FSIP1: variants seen among roughly 807,000 people sequenced by gnomAD.
The protein encoded by FSIP1 is fibrous sheath interacting protein 1.
A neutral mutation model predicts 60.9 loss-of-function variants in FSIP1; 65 were observed. The ratio of observed to expected loss-of-function variants is 1.07; its 90% CI spans 0.87 to 1.31. The LOEUF is 1.31. Ranked by LOEUF, FSIP1 falls within the 40% of genes most tolerant of loss-of-function variation. The pLI is 0.00. For synonymous variants in FSIP1, 209 were observed against 221.2 expected, an observed-to-expected ratio of 0.94 and a Z score of 0.49; for missense variants, 675 against 665.5, an observed-to-expected ratio of 1.01 and a Z score of -0.16.
chr15:39,763,289 T>C (rs1198356661), intron 5 of FSIP1, among the ~76,000 whole-genome samples: 5 of 152,194 alleles, frequency 3.3e-5, no homozygotes, highest in Non-Finnish European at 5.9e-5. Context: ...CACCATCATA[T>C]AAATGGGTTA....
chr15:39,781,526 C>A (rs1388663322), intron 1 of FSIP1, among the ~76,000 whole-genome samples: 1 of 152,114 alleles, frequency 6.6e-6, no homozygotes, highest in Non-Finnish European at 1.5e-5. Context: ...AATATTTATA[C>A]CAGCTTCATC....
chr15:39,684,863 T>C (rs922255704), intron 10 of FSIP1, among the ~76,000 whole-genome samples: 4 of 152,302 alleles, frequency 2.6e-5, no homozygotes, highest in Admixed American at 2.6e-4. Context: ...AAGTTATTAG[T>C]ATCCCCTCTC....
intron 1 of FSIP1, among the ~76,000 whole-genome samples, chr15:39,778,285 C>A (rs1322106975): frequency 1.3e-5 from 2 of 152,274 alleles, no homozygotes; most frequent in African/African-American, 2.4e-5. Context: ...TGGAAGCATG[C>A]GCAGAACCGC....
chr15:39,625,020 G>C (rs929164390), intron 10 of FSIP1, among the ~76,000 whole-genome samples: 1 of 152,210 alleles, frequency 6.6e-6, no homozygotes, highest in African/African-American at 2.4e-5. Flanking sequence ...GGTCATGAAC[G>C]TTGTGGTGGT....
intron 10 of FSIP1, among the ~76,000 whole-genome samples, chr15:39,644,039 A>G (rs1471234590): frequency 6.6e-6 from 1 of 152,264 alleles, no homozygotes; most frequent in African/African-American, 2.4e-5. Flanking sequence ...CCTTGGTGAC[A>G]GTAATTTTCC....
intron 5 of FSIP1, among the ~76,000 whole-genome samples, chr15:39,760,391 C>T (rs1264955958): frequency 6.6e-6 from 1 of 152,072 alleles, no homozygotes; most frequent in Non-Finnish European, 1.5e-5. Context: ...AGTAATTTTA[C>T]AGTGCAGAAA....
At chr15:39,621,751 C>T (rs541755335) in intron 10 of FSIP1, among the ~76,000 whole-genome samples, 5 of 152,200 alleles carry the variant, frequency 3.3e-5, no homozygotes, top group African/African-American at 9.6e-5. Context: ...TATAAAATAA[C>T]TAAAAATTCT....
intron 10 of FSIP1, among the ~76,000 whole-genome samples, chr15:39,631,849 A>T (rs1891903241): frequency 6.6e-6 from 1 of 152,250 alleles, no homozygotes; most frequent in Non-Finnish European, 1.5e-5. Flanking sequence ...TTTACAGGGA[A>T]AGCTCTCCTT....
At chr15:39,631,970 C>G (rs1284428797) in intron 10 of FSIP1, among the ~76,000 whole-genome samples, 1 of 152,118 alleles carries the variant, frequency 6.6e-6, no homozygotes, top group African/African-American at 2.4e-5. Flanking sequence ...CTTTGATTTC[C>G]AATGAGCTAG....
chr15:39,680,216 C>T (rs919061730), intron 10 of FSIP1, among the ~76,000 whole-genome samples: 1 of 152,064 alleles, frequency 6.6e-6, no homozygotes, highest in Non-Finnish European at 1.5e-5. Flanking sequence ...ATCACTATCT[C>T]AAAAACCAAC....
At chr15:39,604,444 T>G (rs1363442737) in intron 11 of FSIP1, among the ~76,000 whole-genome samples, 1 of 152,262 alleles carries the variant, frequency 6.6e-6, no homozygotes, top group African/African-American at 2.4e-5. Flanking sequence ...CATTTTATAC[T>G]GCTAAAATGA....
chr15:39,659,627 TAAA>T (rs10648104), intron 10 of FSIP1, among the ~76,000 whole-genome samples: 2 of 138,006 alleles, frequency 1.4e-5, no homozygotes, highest in East Asian at 2.1e-4. Flanking sequence ...GCTGTTATTT[TAAA>T]AAAAAAAAAA....
At chr15:39,624,419 G>C (rs975586234) in intron 10 of FSIP1, among the ~76,000 whole-genome samples, 1 of 152,128 alleles carries the variant, frequency 6.6e-6, no homozygotes, top group African/African-American at 2.4e-5. Context: ...ACCTACCTGT[G>C]CATAGAAAAA....
chr15:39,623,089 C>T (rs1369196720), intron 10 of FSIP1, among the ~76,000 whole-genome samples: 2 of 151,122 alleles, frequency 1.3e-5, no homozygotes, highest in African/African-American at 4.9e-5. Context: ...CAGATAAATG[C>T]CAGTTTGATG....
chr15:39,626,788 T>A (rs962547744), intron 10 of FSIP1, among the ~76,000 whole-genome samples: 44 of 142,548 alleles, frequency 3.1e-4, no homozygotes, highest in African/African-American at 1.1e-3. Context: ...CTTTTCTTTA[T>A]AAATTACGTA....
chr15:39,767,808 A>G (rs1473167629), intron 3 of FSIP1, among the ~76,000 whole-genome samples: 1 of 152,122 alleles, frequency 6.6e-6, no homozygotes, highest in Non-Finnish European at 1.5e-5. Flanking sequence ...TCCCCGTTCC[A>G]GCTCCCCATC....
chr15:39,743,675 T>C (rs1022253353), intron 5 of FSIP1, among the ~76,000 whole-genome samples: 12 of 152,090 alleles, frequency 7.9e-5, no homozygotes, highest in Admixed American at 2.0e-4. Context: ...AAAGGAAAAA[T>C]AGTAACTTTA....
At chr15:39,714,127 T>C (rs1457138073) in intron 9 of FSIP1, among the ~76,000 whole-genome samples, 1 of 152,182 alleles carries the variant, frequency 6.6e-6, no homozygotes, top group Non-Finnish European at 1.5e-5. Flanking sequence ...ACAGTAATAA[T>C]AGATCTAGGC....
intron 10 of FSIP1, among the ~76,000 whole-genome samples, chr15:39,696,740 T>C (rs1056915978): frequency 2.0e-5 from 3 of 151,888 alleles, no homozygotes; most frequent in Non-Finnish European, 2.9e-5. Flanking sequence ...TATTGTTAAG[T>C]GAAAAAGCAG....
Sources: allele counts gnomAD v4.1 joint callset (sites outside exome capture counted in the v4.1 genomes callset), GRCh38; gene constraint gnomAD v4.1.1; transcripts MANE v1.5; gene names NCBI Gene and HGNC (gene_info 2026-07-23, HGNC 2026-07-21).